The following DPYD variants were observed in gnomAD, a reference collection of about 807,000 sequenced individuals.
DPYD encodes dihydropyrimidine dehydrogenase [NADP(+)].
A neutral mutation model predicts 116.2 loss-of-function variants in DPYD; 109 were observed. The observed-to-expected ratio is 0.94, with a 90% confidence interval of 0.80 to 1.10. The LOEUF is 1.10. Ranked by LOEUF, DPYD falls within the 50% of genes least tolerant of loss-of-function variation. DPYD has a pLI of 0.00. For synonymous variants in DPYD, 440 were observed against 432.0 expected (o/e 1.02, Z -0.23); for missense variants, 1,302 against 1,254.5 (o/e 1.04, Z -0.57).
intron 15 of DPYD, 132 bp downstream of exon 15, chr1:97,382,261 A>C (rs185574538): frequency 2.0e-6 from 1 of 498,778 alleles, no homozygotes; most frequent in African/African-American, 2.0e-5. Flanking sequence ...AAATTATAAT[A>C]GAAATGTTTT....
chr1:97,430,889 C>T (rs1166452175), intron 14 of DPYD, among the ~76,000 whole-genome samples: 2 of 151,824 alleles, frequency 1.3e-5, no homozygotes, highest in African/African-American at 4.8e-5. Context: ...TATATGTGAA[C>T]CAATCCTACT....
chr1:97,251,393 A>T (rs1279882419), intron 18 of DPYD, among the ~76,000 whole-genome samples: 11 of 12,120 alleles, frequency 9.1e-4, no homozygotes, highest in African/African-American at 6.8e-3. Flanking sequence ...ACTCTGTCTA[A>T]AAAAAAAAAA....
At chr1:97,193,335 T>A in intron 19 of DPYD, 87 bp from the exon 20 acceptor site, 2 of 1,355,480 alleles carry the variant, frequency 1.5e-6, no homozygotes, top group Middle Eastern at 2.4e-4. Context: ...AACAAATATT[T>A]ATTTTATGTG....
intron 11 of DPYD, among the ~76,000 whole-genome samples, chr1:97,567,091 C>T (rs572618863): frequency 3.3e-5 from 5 of 152,020 alleles, no homozygotes; most frequent in Admixed American, 3.3e-4. Flanking sequence ...ATTTTTGCAT[C>T]GTAAGAATCT....
chr1:97,366,835 T>C (rs1419078995), intron 16 of DPYD, among the ~76,000 whole-genome samples: 2 of 152,148 alleles, frequency 1.3e-5, no homozygotes, highest in Admixed American at 6.6e-5. Flanking sequence ...CTTAAGTTTG[T>C]TGTATTTTAC....
At chr1:97,592,021 A>G (rs1654555316) in intron 10 of DPYD, among the ~76,000 whole-genome samples, 1 of 152,204 alleles carries the variant, frequency 6.6e-6, no homozygotes, top group African/African-American at 2.4e-5. Context: ...CCATGAACCA[A>G]TGGTGACCCT....
intron 14 of DPYD, among the ~76,000 whole-genome samples, chr1:97,423,699 A>C (rs1190859389): frequency 6.6e-6 from 1 of 152,092 alleles, no homozygotes; most frequent in Non-Finnish European, 1.5e-5. Flanking sequence ...CAAATCATGC[A>C]TTCAGACAAT....
intron 4 of DPYD, among the ~76,000 whole-genome samples, chr1:97,723,006 G>T (rs563597906): frequency 6.6e-6 from 1 of 151,264 alleles, no homozygotes; most frequent in Non-Finnish European, 1.5e-5. Context: ...TAACCTTGAC[G>T]AAAATTCAGG....
At chr1:97,725,460 T>C (rs1391535591) in intron 4 of DPYD, among the ~76,000 whole-genome samples, 1 of 151,398 alleles carries the variant, frequency 6.6e-6, no homozygotes, top group Non-Finnish European at 1.5e-5. Flanking sequence ...ATCCTAAAAT[T>C]CATAGGAAAA....
At chr1:97,312,958 A>AG (rs1331115725) in intron 16 of DPYD, among the ~76,000 whole-genome samples, 1 of 151,940 alleles carries the variant, frequency 6.6e-6, no homozygotes, top group Non-Finnish European at 1.5e-5. Context: ...GTGGCATTGT[A>AG]GGTAATGTGG....
chr1:97,612,015 A>G (rs1484260612), intron 8 of DPYD, among the ~76,000 whole-genome samples: 2 of 152,082 alleles, frequency 1.3e-5, no homozygotes, highest in African/African-American at 2.4e-5. Context: ...GTTTATGACT[A>G]GAAGATGCAT....
chr1:97,760,712 T>C (rs948390059), intron 3 of DPYD, among the ~76,000 whole-genome samples: 1 of 152,002 alleles, frequency 6.6e-6, no homozygotes, highest in African/African-American at 2.4e-5. Context: ...ACTTCAGGGA[T>C]CAGAGAAGAA....
chr1:97,737,737 A>C (rs1048400489), intron 4 of DPYD, among the ~76,000 whole-genome samples: 47 of 152,092 alleles, frequency 3.1e-4, no homozygotes, highest in Middle Eastern at 3.4e-3. Flanking sequence ...TGTACAATAT[A>C]TGTACAATAT....
At chr1:97,496,751 T>C (rs1421357442) in intron 13 of DPYD, among the ~76,000 whole-genome samples, 1 of 151,964 alleles carries the variant, frequency 6.6e-6, no homozygotes, top group African/African-American at 2.4e-5. Context: ...TCTGTAGTTT[T>C]ATAGCTCTTC....
intron 3 of DPYD, among the ~76,000 whole-genome samples, chr1:97,760,683 C>A (rs915545290): frequency 1.3e-5 from 2 of 151,800 alleles, no homozygotes; most frequent in Non-Finnish European, 2.9e-5. Context: ...ACAGAGGGCA[C>A]CTAAAGAACA....
At position 97,633,887 on chromosome 1, in the gene DPYD, C is replaced by A. The variant is rs1022923351; in HGVS notation, c.851-38721G>T. Among the ~76,000 whole-genome samples the A allele has an allele frequency of 3.3e-5, 5 of 152,024 alleles. No homozygotes were observed. In the East Asian group the frequency reaches 9.7e-4, roughly 29 times the overall value. Reference sequence around the variant, plus strand: ...GTTTATTCGTGCAAACTCGTTTCAGCGTTGACTCCCCATTTGCAGTGATAA... The same window carrying A: ...GTTTATTCGTGCAAACTCGTTTCAGAGTTGACTCCCCATTTGCAGTGATAA... On this transcript the variant is annotated intron_variant, in intron 8 of 22. Transcript: ENST00000370192.
intron 14 of DPYD, among the ~76,000 whole-genome samples, chr1:97,442,041 T>C (rs567455021): frequency 2.4e-4 from 37 of 152,268 alleles, no homozygotes; most frequent in Admixed American, 1.7e-3. Flanking sequence ...CAAGGAGTAG[T>C]CCATGTCATT....
intron 12 of DPYD, among the ~76,000 whole-genome samples, chr1:97,532,924 G>A (rs982637337): frequency 7.7e-6 from 1 of 130,224 alleles, no homozygotes; most frequent in Non-Finnish European, 1.7e-5. Context: ...TTTTTTTTTT[G>A]TTGTTGTTGT....
At chr1:97,436,137 C>T (rs1295978966) in intron 14 of DPYD, among the ~76,000 whole-genome samples, 1 of 151,930 alleles carries the variant, frequency 6.6e-6, no homozygotes, top group African/African-American at 2.4e-5. Flanking sequence ...CTTTCTTTCT[C>T]CTTCTTTCCC....
Sources: allele counts gnomAD v4.1 joint callset (sites outside exome capture counted in the v4.1 genomes callset), GRCh38; gene constraint gnomAD v4.1.1; transcripts MANE v1.5; gene names NCBI Gene and HGNC (gene_info 2026-07-23, HGNC 2026-07-21).